The following NRG3 variants were observed in gnomAD, a reference collection of about 807,000 sequenced individuals.
NRG3 encodes the protein pro-neuregulin-3, membrane-bound isoform.
Under a neutral mutation model 66.9 loss-of-function variants are expected in NRG3, and 31 were observed. The ratio of observed to expected loss-of-function variants is 0.46; its 90% confidence interval spans 0.35 to 0.63. NRG3 has a LOEUF of 0.63. NRG3 is among the 20% of genes least tolerant of loss of function. The pLI is 0.00. For missense variants in NRG3, 910 were observed against 878.9 expected (o/e 1.04, Z -0.45); for synonymous variants, 393 against 359.4 (o/e 1.09, Z -1.06).
At chr10:82,117,008 A>G (rs1269761205) in intron 1 of NRG3, among the ~76,000 whole-genome samples, 1 of 152,030 alleles carries the variant, frequency 6.6e-6, no homozygotes, top group Non-Finnish European at 1.5e-5. Context: ...ACTGGCCCCC[A>G]ATGCAGCCCC....
intron 3 of NRG3, among the ~76,000 whole-genome samples, chr10:82,839,154 A>G (rs183010925): frequency 9.8e-5 from 15 of 152,314 alleles, no homozygotes; most frequent in African/African-American, 3.6e-4. Context: ...ATCCAAACTG[A>G]AAGTTGTAGT....
chr10:82,874,067 T>A (rs1303847501), intron 4 of NRG3, among the ~76,000 whole-genome samples: 1 of 151,998 alleles, frequency 6.6e-6, no homozygotes, highest in Non-Finnish European at 1.5e-5. Context: ...GTACTCAACG[T>A]CTGTGATATA....
At position 82,183,800 on chromosome 10, in the gene NRG3, T is replaced by C. The variant is rs537986358; in HGVS notation, c.824-174939T>C. ...AACAATCTCCCAGAACAAAGAATTA[T>C]CTAACCTCAAATGACAAGTTGAGGT... On this transcript the variant is annotated intron_variant, in intron 1 of 8. Coordinates refer to ENST00000372141, the MANE Select transcript of NRG3 (RefSeq NM_001010848.4). Among the ~76,000 whole-genome samples, 7 of 152,118 alleles carry C rather than the reference T, an allele frequency of 4.6e-5. No homozygotes were observed. In the South Asian group the frequency reaches 1.0e-3, roughly 23 times the overall value.
chr10:81,930,066 T>C (rs187160389), intron 1 of NRG3, among the ~76,000 whole-genome samples: 1 of 152,242 alleles, frequency 6.6e-6, no homozygotes, highest in East Asian at 1.9e-4. Context: ...CTTGGAGCAC[T>C]TAGAGGGATT....
intron 4 of NRG3, among the ~76,000 whole-genome samples, chr10:82,919,702 A>T (rs1403081513): frequency 6.6e-6 from 1 of 152,198 alleles, no homozygotes; most frequent in Non-Finnish European, 1.5e-5. Flanking sequence ...ACAAATGTAG[A>T]TCAGAAAGAC....
At chr10:81,939,668 T>A (rs1848230440) in intron 1 of NRG3, among the ~76,000 whole-genome samples, 1 of 151,042 alleles carries the variant, frequency 6.6e-6, no homozygotes, top group Admixed American at 6.6e-5. Context: ...TTTTTCTTAG[T>A]CTAGCTAAGG....
Position 82,116,170 on chromosome 10 carries a change from A to T in NRG3, c.823+240007A>T, listed in dbSNP as rs529379466. Among the ~76,000 whole-genome samples, 134 of 152,114 alleles carry T rather than the reference A, an allele frequency of 8.8e-4. 1 individual carries two copies. Among genetic ancestry groups the T allele is most frequent in the African/African-American group, 2.8e-3 (118 of 41,466 alleles). ...TAATGACTACATTATTCCAAAAAAAATTTTTTTAGTAGTTAGATCCAGGTG... is the reference window on the plus strand; with the variant it reads ...TAATGACTACATTATTCCAAAAAAATTTTTTTTAGTAGTTAGATCCAGGTG... On this transcript the variant is annotated intron_variant, in intron 1 of 8. Coordinates refer to ENST00000372141, the MANE Select transcript of NRG3 (RefSeq NM_001010848.4).
At chr10:82,113,052 A>T (rs1441996723) in intron 1 of NRG3, among the ~76,000 whole-genome samples, 1 of 152,130 alleles carries the variant, frequency 6.6e-6, no homozygotes, top group Non-Finnish European at 1.5e-5. Flanking sequence ...GCTTATATTT[A>T]CCAAGATTTT....
chr10:81,977,865 A>G (rs1478254485), intron 1 of NRG3, among the ~76,000 whole-genome samples: 1 of 152,162 alleles, frequency 6.6e-6, no homozygotes, highest in Non-Finnish European at 1.5e-5. Flanking sequence ...ATCAAAGCAA[A>G]TAGTATATCA....
chr10:82,137,902 T>C (rs1383555536), intron 1 of NRG3, among the ~76,000 whole-genome samples: 1 of 152,212 alleles, frequency 6.6e-6, no homozygotes, highest in Non-Finnish European at 1.5e-5. Flanking sequence ...TAGTGCTTTT[T>C]TCATGTAACT....
At chr10:82,665,342 C>T (rs1170220296) in intron 2 of NRG3, among the ~76,000 whole-genome samples, 3 of 152,176 alleles carry the variant, frequency 2.0e-5, no homozygotes, top group Non-Finnish European at 2.9e-5. Context: ...TGCTTATTAT[C>T]ATCAACAATT....
At chr10:82,045,472 T>C (rs1371800568) in intron 1 of NRG3, among the ~76,000 whole-genome samples, 9 of 65,642 alleles carry the variant, frequency 1.4e-4, no homozygotes, top group African/African-American at 3.5e-4. Context: ...TATTAGCCCT[T>C]TGTCAGATGA....
chr10:82,838,246 C>T (rs2135727827), intron 3 of NRG3, among the ~76,000 whole-genome samples: 1 of 152,244 alleles, frequency 6.6e-6, no homozygotes. Context: ...TATAAGTCAA[C>T]TCTGAAGGGT....
chr10:82,147,400 A>G (rs2070336935), intron 1 of NRG3, among the ~76,000 whole-genome samples: 1 of 152,212 alleles, frequency 6.6e-6, no homozygotes, highest in Non-Finnish European at 1.5e-5. Context: ...AAATGTCCAT[A>G]GGTGTCTATT....
chr10:82,640,812 T>C (rs2050520251), intron 2 of NRG3, among the ~76,000 whole-genome samples: 1 of 152,130 alleles, frequency 6.6e-6, no homozygotes, highest in South Asian at 2.1e-4. Context: ...TAAGGTGCAT[T>C]ATTAATATGT....
At chr10:82,692,007 G>T (rs536070025) in intron 2 of NRG3, among the ~76,000 whole-genome samples, 11 of 152,088 alleles carry the variant, frequency 7.2e-5, no homozygotes, top group African/African-American at 2.2e-4. Flanking sequence ...ATTGGCAGGC[G>T]CAGTGCCTGT....
chr10:82,294,921 T>G (rs1786575879), intron 1 of NRG3, among the ~76,000 whole-genome samples: 1 of 152,204 alleles, frequency 6.6e-6, no homozygotes, highest in Non-Finnish European at 1.5e-5. Flanking sequence ...CTGAATATGG[T>G]AAGTTATAGC....
chr10:82,144,576 C>T (rs78622463), intron 1 of NRG3, among the ~76,000 whole-genome samples: 8 of 152,234 alleles, frequency 5.3e-5, no homozygotes, highest in Admixed American at 6.5e-5. Flanking sequence ...AAAAAGAAGA[C>T]GTGTAATAAA....
chr10:82,949,281 C>T (rs2132338375), intron 4 of NRG3, among the ~76,000 whole-genome samples: 1 of 151,614 alleles, frequency 6.6e-6, no homozygotes, highest in African/African-American at 2.4e-5. Flanking sequence ...ATTTTATTTC[C>T]TAAAATTTAT....
Sources: gnomAD v4.1 joint callset for allele counts (sites outside exome capture counted in the v4.1 genomes callset) on GRCh38, gnomAD v4.1.1 for gene constraint, MANE v1.5 for transcripts, NCBI Gene and HGNC (gene_info 2026-07-23, HGNC 2026-07-21) for gene names.